The following EYS variants were observed in gnomAD, a reference collection of about 807,000 sequenced individuals.
EYS encodes EGF-like photoreceptor maintenance factor.
A neutral mutation model predicts 282.1 loss-of-function variants in EYS; 250 were observed. The ratio of observed to expected loss-of-function variants is 0.89; its 90% CI spans 0.80 to 0.98. The LOEUF (loss-of-function observed/expected upper bound fraction) is 0.98, where lower values mean the gene tolerates loss of function less well. Ranked by LOEUF, EYS falls within the 50% of genes least tolerant of loss-of-function variation. The probability of loss-of-function intolerance (pLI) is 0.00; values close to 1 mark genes in which losing one functional copy is unlikely to be tolerated. For synonymous variants in EYS, 1,355 were observed against 1,282.9 expected (o/e 1.06, Z -1.20); for missense variants, 4,016 against 3,709.0 (o/e 1.08, Z -2.15).
intron 30 of EYS, among the ~76,000 whole-genome samples, chr6:64,292,896 T>C (rs1768766649): frequency 6.6e-6 from 1 of 152,118 alleles, no homozygotes; most frequent in South Asian, 2.1e-4. Flanking sequence ...ATCATCACCA[T>C]TTATAGATGA....
chr6:63,944,039 C>A (rs1455965506), intron 35 of EYS, among the ~76,000 whole-genome samples: 1 of 152,126 alleles, frequency 6.6e-6, no homozygotes, highest in Non-Finnish European at 1.5e-5. Flanking sequence ...GAGAGAAAAG[C>A]AGAATAAAGA....
At chr6:64,652,009 T>C (rs55980644) in intron 22 of EYS, among the ~76,000 whole-genome samples, 30,896 of 152,170 alleles carry the variant, frequency 0.2, 3,544 homozygotes, top group East Asian at 0.35. Flanking sequence ...AAGTGAAAAT[T>C]AGACTTTAAC....
At chr6:64,957,832 AAC>A (rs1385234650) in intron 14 of EYS, among the ~76,000 whole-genome samples, 1 of 152,184 alleles carries the variant, frequency 6.6e-6, no homozygotes, top group Non-Finnish European at 1.5e-5. Context: ...TTCACAGCAA[AAC>A]AGAGACAAAT....
intron 26 of EYS, among the ~76,000 whole-genome samples, chr6:64,549,176 T>A (rs1296727506): frequency 6.6e-6 from 1 of 152,218 alleles, no homozygotes; most frequent in Middle Eastern, 3.2e-3. Flanking sequence ...TAATATTCCC[T>A]CAAAGCAGAT....
chr6:65,086,042 T>A lies in EYS; in HGVS notation c.2024-28315A>T, dbSNP rs1000082570. ...ACCTTCTCCTCTTTTTTTTTTTTTT[T>A]AAATCCTTCTCTATTGTCTCATTTC... On this transcript the variant is annotated intron_variant, in intron 12 of 42. Coordinates refer to ENST00000503581, the MANE Select transcript of EYS (RefSeq NM_001142800.2). 2.1e-3 allele frequency among the ~76,000 whole-genome samples: 308 copies of A among 148,142 alleles called. 1 individual carries two copies. The highest frequency in any genetic ancestry group is 3.3e-3 in the Non-Finnish European group (218 of 66,610).
At chr6:64,271,672 A>T (rs554510699) in intron 30 of EYS, among the ~76,000 whole-genome samples, 1 of 150,900 alleles carries the variant, frequency 6.6e-6, no homozygotes, top group Admixed American at 6.7e-5. Flanking sequence ...TTCAATTGAA[A>T]TTGATTTTTG....
chr6:64,620,785 C>A (rs1025424660), intron 23 of EYS, among the ~76,000 whole-genome samples: 4 of 151,802 alleles, frequency 2.6e-5, no homozygotes, highest in Admixed American at 1.3e-4. Flanking sequence ...AATAAGGTAA[C>A]CAAATATTCA....
At chr6:65,061,946 C>T (rs1409077821) in intron 12 of EYS, among the ~76,000 whole-genome samples, 4 of 151,892 alleles carry the variant, frequency 2.6e-5, no homozygotes, top group Non-Finnish European at 4.4e-5. Flanking sequence ...TTTTTGTGGT[C>T]TGTCCTAAAT....
At chr6:64,127,308 T>G (rs1773818191) in intron 31 of EYS, among the ~76,000 whole-genome samples, 1 of 152,160 alleles carries the variant, frequency 6.6e-6, no homozygotes, top group Non-Finnish European at 1.5e-5. Flanking sequence ...ACTAAGTGAC[T>G]TTTCAAATGG....
chr6:65,145,835 G>A (rs1233060071), intron 12 of EYS, among the ~76,000 whole-genome samples: 1 of 151,856 alleles, frequency 6.6e-6, no homozygotes, highest in Non-Finnish European at 1.5e-5. Flanking sequence ...AAGAATATTA[G>A]TGATTTATAA....
At chr6:64,908,724 C>G (rs1301017368) in intron 16 of EYS, among the ~76,000 whole-genome samples, 1 of 152,088 alleles carries the variant, frequency 6.6e-6, no homozygotes, top group East Asian at 1.9e-4. Context: ...CTTCTACTGA[C>G]TGAGTCTGGG....
intron 2 of EYS, among the ~76,000 whole-genome samples, chr6:65,576,024 C>G (rs1764652964): frequency 6.6e-6 from 1 of 151,982 alleles, no homozygotes; most frequent in Admixed American, 6.6e-5. Context: ...AACACCAATT[C>G]TTCTCAAACT....
In EYS at chr6:65,153,620, A is replaced by G. The variant is rs575791200; in HGVS notation, c.2024-95893T>C. 7.9e-5 allele frequency among the ~76,000 whole-genome samples: 12 copies of G among 151,906 alleles called. No homozygotes were observed. In the South Asian group the frequency reaches 2.5e-3, roughly 31 times the overall value. On this transcript the variant is annotated intron_variant, in intron 12 of 42. Transcript: ENST00000503581. ...CAGTGCTGCCATGTTCTTTATCAAT[A>G]GTATCATTATGATTTCTAATCAGCC...
At chr6:64,122,966 GTA>G (rs1773640094) in intron 31 of EYS, among the ~76,000 whole-genome samples, 1 of 151,568 alleles carries the variant, frequency 6.6e-6, no homozygotes, top group African/African-American at 2.4e-5. Context: ...TGAATACCTT[GTA>G]TATTGTAAGT....
chr6:65,573,977 A>T (rs947335980), intron 2 of EYS, among the ~76,000 whole-genome samples: 1 of 152,248 alleles, frequency 6.6e-6, no homozygotes. Context: ...AACACTGTGC[A>T]TGCCTATTCT....
At chr6:65,316,118 T>C (rs1240180953) in intron 11 of EYS, among the ~76,000 whole-genome samples, 2 of 152,202 alleles carry the variant, frequency 1.3e-5, no homozygotes, top group Admixed American at 6.5e-5. Flanking sequence ...TGTAAAAGTT[T>C]AAAAATTATT....
At chr6:65,181,679 A>G (rs549693727) in intron 12 of EYS, among the ~76,000 whole-genome samples, 1 of 152,246 alleles carries the variant, frequency 6.6e-6, no homozygotes, top group South Asian at 2.1e-4. Flanking sequence ...AACTAGAAAT[A>G]CCATTTGACC....
chr6:65,032,387 G>A (rs900056014), intron 13 of EYS, among the ~76,000 whole-genome samples: 2 of 152,136 alleles, frequency 1.3e-5, no homozygotes, highest in Non-Finnish European at 2.9e-5. Context: ...CCATGCTGGA[G>A]GGGGCCTGGT....
At chr6:64,864,259 C>T (rs1348299137) in intron 19 of EYS, among the ~76,000 whole-genome samples, 1 of 151,804 alleles carries the variant, frequency 6.6e-6, no homozygotes, top group East Asian at 1.9e-4. Context: ...CCCCTTGGTA[C>T]TGGCTAAATT....
Sources: allele counts gnomAD v4.1 joint callset (sites outside exome capture counted in the v4.1 genomes callset), GRCh38; gene constraint gnomAD v4.1.1; transcripts MANE v1.5; gene names NCBI Gene and HGNC (gene_info 2026-07-23, HGNC 2026-07-21).